Variants in GAS7 observed in about 807,000 individuals in gnomAD.
GAS7 encodes the protein growth arrest specific 7, also known as growth arrest-specific protein 7.
GAS7 carries 28 observed loss-of-function variants against 71.1 expected under a neutral mutation model. That is an observed-to-expected ratio of 0.39 (90% CI 0.29 to 0.54). The LOEUF (loss-of-function observed/expected upper bound fraction) is 0.54, where lower values mean the gene tolerates loss of function less well. Among genes scored for constraint, GAS7 ranks in the 20% least tolerant of loss-of-function variants. The probability of loss-of-function intolerance (pLI) is 0.62; values close to 1 mark genes in which losing one functional copy is unlikely to be tolerated. For missense variants in GAS7, 436 were observed against 627.8 expected, an observed-to-expected ratio of 0.69 and a Z score of 3.27; for synonymous variants, 258 against 245.8, an observed-to-expected ratio of 1.05 and a Z score of -0.46.
At chr17:10,081,594 C>A (rs75132489) in intron 1 of GAS7, among the ~76,000 whole-genome samples, 4,544 of 151,854 alleles carry the variant, frequency 0.03, 242 homozygotes, top group African/African-American at 0.1. Flanking sequence ...TGAAAGACTG[C>A]GAAATAGAAA....
chr17:10,065,985 C>G (rs189621551), intron 1 of GAS7, among the ~76,000 whole-genome samples: 6 of 151,546 alleles, frequency 4.0e-5, no homozygotes, highest in African/African-American at 1.4e-4. Context: ...GAGGTCTATC[C>G]GGAGCTCAAG....
At chr17:10,024,214 T>TA (rs907986549) in intron 1 of GAS7, among the ~76,000 whole-genome samples, 4 of 152,170 alleles carry the variant, frequency 2.6e-5, no homozygotes, top group Admixed American at 2.6e-4. Flanking sequence ...AGTCTTCACT[T>TA]AAGGGCCAAC....
At position 9,926,735 on chromosome 17, in the gene GAS7, A is replaced by G; in HGVS notation, c.920T>C (p.Phe307Ser). The G allele has an allele frequency of 1.2e-6, 2 of 1,613,912 alleles. No homozygotes were observed. The highest frequency in any genetic ancestry group is 2.2e-5 in the South Asian group (2 of 91,068). ...HSEVEKPLMN[F>S]RENFKKDMKK... The stretch of plus-strand genomic sequence containing the variant: ...CATGTCTTTCTTGAAGTTCTCACGG[A>G]AGTTCATCAGGGGCTTCTCCACCTC... Residue 307 changes from phenylalanine (F) to serine (S), a missense_variant, in exon 10 of 14, where the codon TTC (phenylalanine) becomes TCC (serine). Physicochemically the swap from Phe to Ser is radical, Grantham distance 155. Coordinates refer to ENST00000432992, the MANE Select transcript of GAS7 (RefSeq NM_201433.2). This position sits in a 1 kb window ranked among gnomAD's most constrained non-coding sequence, Gnocchi z 5.0.
chr17:10,124,858 C>CA (rs1169634008), intron 1 of GAS7, among the ~76,000 whole-genome samples: 1 of 152,000 alleles, frequency 6.6e-6, no homozygotes, highest in Non-Finnish European at 1.5e-5. Flanking sequence ...GTGGAGGTTG[C>CA]AGTGAGCCGA....
At chr17:10,125,946 G>C (rs1417606637) in intron 1 of GAS7, among the ~76,000 whole-genome samples, 2 of 152,192 alleles carry the variant, frequency 1.3e-5, no homozygotes, top group Non-Finnish European at 2.9e-5. Context: ...GCCAGAGAGA[G>C]CTGGACAAGG....
intron 1 of GAS7, among the ~76,000 whole-genome samples, chr17:10,150,620 A>C (rs2074158467): frequency 2.1e-5 from 2 of 93,024 alleles, no homozygotes; most frequent in African/African-American, 4.6e-5. Context: ...ACAGGGTCTC[A>C]CTCTCTTGCC....
At chr17:9,929,953 A>G (rs1301555800) in intron 9 of GAS7, among the ~76,000 whole-genome samples, 1 of 152,144 alleles carries the variant, frequency 6.6e-6, no homozygotes, top group Non-Finnish European at 1.5e-5. Context: ...TTTTCTTTCC[A>G]AAACTCTCGC....
At chr17:10,115,081 C>T (rs2073848136) in intron 1 of GAS7, among the ~76,000 whole-genome samples, 1 of 152,212 alleles carries the variant, frequency 6.6e-6, no homozygotes, top group South Asian at 2.1e-4. Flanking sequence ...CAAGCTGGCA[C>T]TGGGGTTTTG....
chr17:9,920,182 A>AGTGTGTGTGTGTGTGT (rs59320661), intron 11 of GAS7, among the ~76,000 whole-genome samples: 4 of 141,050 alleles, frequency 2.8e-5, no homozygotes, highest in African/African-American at 1.0e-4. Flanking sequence ...AGATCATGTA[A>AGTGTGTGTGTGTGTGT]GTGTGTGTGT....
At chr17:10,097,377 G>C (rs1251446215) in intron 1 of GAS7, among the ~76,000 whole-genome samples, 2 of 152,170 alleles carry the variant, frequency 1.3e-5, no homozygotes, top group Non-Finnish European at 2.9e-5. Flanking sequence ...TCCCCGGATG[G>C]GGTTACTCAG....
intron 1 of GAS7, among the ~76,000 whole-genome samples, chr17:10,110,816 T>C (rs538382927): frequency 1.3e-5 from 2 of 152,342 alleles, no homozygotes; most frequent in East Asian, 1.9e-4. Context: ...AGAGGGATTA[T>C]AGTTAGCAAC....
chr17:10,098,520 C>T lies in GAS7; in HGVS notation c.184-78623G>A, dbSNP rs16959302. On this transcript the variant is annotated intron_variant, in intron 1 of 13. Transcript: ENST00000432992. ...CTTTGTTTGCCAAAGGTGGGTCAGA[C>T]CTTCTTGTCCCAGTGGCCGAGACAG... Among the ~76,000 whole-genome samples, 673 of 152,328 alleles carry T rather than the reference C, an allele frequency of 4.4e-3. 6 individuals are homozygous for T. The highest frequency in any genetic ancestry group is 0.015 in the African/African-American group (635 of 41,582).
At chr17:9,960,611 G>A (rs879869856) in intron 4 of GAS7, among the ~76,000 whole-genome samples, 3 of 152,128 alleles carry the variant, frequency 2.0e-5, no homozygotes, top group Admixed American at 2.0e-4. Flanking sequence ...GGGGCACCCC[G>A]CCCCTCAGGC....
intron 1 of GAS7, among the ~76,000 whole-genome samples, chr17:10,149,910 G>A (rs1253895025): frequency 1.3e-5 from 2 of 152,204 alleles, no homozygotes; most frequent in African/African-American, 4.8e-5. Context: ...AATCCACAGA[G>A]ACAGAAATCG....
intron 1 of GAS7, among the ~76,000 whole-genome samples, chr17:10,164,040 C>T (rs753898173): frequency 1.8e-4 from 27 of 152,150 alleles, no homozygotes; most frequent in Non-Finnish European, 3.1e-4. Context: ...TCACCTTTGA[C>T]TGCCCCTTAC....
intron 5 of GAS7, among the ~76,000 whole-genome samples, chr17:9,949,330 C>A (rs1457937706): frequency 6.6e-6 from 1 of 152,176 alleles, no homozygotes; most frequent in African/African-American, 2.4e-5. Context: ...AAAATGGGGA[C>A]TTTTATGCAA....
intron 1 of GAS7, among the ~76,000 whole-genome samples, chr17:10,059,130 C>T (rs1412909348): frequency 1.3e-5 from 2 of 152,320 alleles, no homozygotes; most frequent in East Asian, 3.9e-4. Flanking sequence ...TTTCCCATCC[C>T]ACTTTCCCCA....
At chr17:10,057,891 T>A (rs1346328178) in intron 1 of GAS7, among the ~76,000 whole-genome samples, 1 of 152,268 alleles carries the variant, frequency 6.6e-6, no homozygotes, top group Non-Finnish European at 1.5e-5. Context: ...GACTCCATTT[T>A]GTTCTGTACT....
At chr17:10,021,943 G>A (rs183934530) in intron 1 of GAS7, among the ~76,000 whole-genome samples, 16 of 152,192 alleles carry the variant, frequency 1.1e-4, no homozygotes, top group African/African-American at 3.9e-4. Flanking sequence ...GTCGGCATGG[G>A]TGGGGGGTCA....
Sources: allele counts gnomAD v4.1 joint callset (sites outside exome capture counted in the v4.1 genomes callset), GRCh38; gene constraint gnomAD v4.1.1; non-coding constraint Gnocchi (gnomAD v3.1); transcripts MANE v1.5; gene names NCBI Gene and HGNC (gene_info 2026-07-23, HGNC 2026-07-21).